LDB2: variants seen among roughly 807,000 people sequenced by gnomAD.
LDB2 encodes the protein LIM domain-binding protein 2.
Under a neutral mutation model 44.3 loss-of-function variants are expected in LDB2, and 12 were observed. The observed-to-expected ratio is 0.27, with a 90% CI of 0.17 to 0.44. The LOEUF (loss-of-function observed/expected upper bound fraction) is 0.44. LDB2 is among the 20% of genes least tolerant of loss of function. The probability of loss-of-function intolerance (pLI) is 1.00; values close to 1 mark genes in which losing one functional copy is unlikely to be tolerated. For missense variants in LDB2, 344 were observed against 473.5 expected (o/e 0.73, Z 2.54); for synonymous variants, 164 against 174.8 (o/e 0.94, Z 0.49).
intron 5 of LDB2, among the ~76,000 whole-genome samples, chr4:16,548,938 AC>A (rs2152343387): frequency 6.6e-6 from 1 of 152,302 alleles, no homozygotes; most frequent in East Asian, 1.9e-4. Flanking sequence ...ATAGAACAAG[AC>A]CCCAAGACCT....
chr4:16,879,012 G>C (rs529598118), intron 1 of LDB2, among the ~76,000 whole-genome samples: 86 of 152,308 alleles, frequency 5.6e-4, no homozygotes, highest in South Asian at 4.1e-3. Context: ...ACTTTAGTTA[G>C]TATGAGTTTT....
chr4:16,839,904 C>A (rs185319352), intron 1 of LDB2, among the ~76,000 whole-genome samples: 1 of 152,090 alleles, frequency 6.6e-6, no homozygotes, highest in South Asian at 2.1e-4. Flanking sequence ...ATAATATGTA[C>A]ACACACACAT....
chr4:16,851,908 CA>C (rs1788336349), intron 1 of LDB2, among the ~76,000 whole-genome samples: 1 of 152,216 alleles, frequency 6.6e-6, no homozygotes, highest in Admixed American at 6.5e-5. Context: ...ACAAGGTGGA[CA>C]AGTGCGTAGC....
intron 1 of LDB2, among the ~76,000 whole-genome samples, chr4:16,890,357 G>A (rs974601503): frequency 6.6e-6 from 1 of 152,130 alleles, no homozygotes; most frequent in Non-Finnish European, 1.5e-5. Context: ...GGAAAGGGGG[G>A]GCACGGAGTG....
intron 2 of LDB2, among the ~76,000 whole-genome samples, chr4:16,681,550 C>T (rs933546847): frequency 1.4e-5 from 2 of 147,548 alleles, no homozygotes; most frequent in Non-Finnish European, 3.0e-5. Flanking sequence ...TAATTTGTTA[C>T]ATAGCAATAA....
intron 2 of LDB2, among the ~76,000 whole-genome samples, chr4:16,624,878 T>C (rs1257085549): frequency 6.6e-6 from 1 of 152,186 alleles, no homozygotes; most frequent in Non-Finnish European, 1.5e-5. Flanking sequence ...CTGGGTAGAA[T>C]TTCAAAGAAA....
intron 1 of LDB2, among the ~76,000 whole-genome samples, chr4:16,847,772 G>A (rs1013923680): frequency 6.6e-6 from 1 of 152,086 alleles, no homozygotes; most frequent in Non-Finnish European, 1.5e-5. Context: ...GCCCGCCACA[G>A]TGCCCAGCTA....
At chr4:16,837,323 A>G (rs1580112841) in intron 1 of LDB2, among the ~76,000 whole-genome samples, 1 of 152,204 alleles carries the variant, frequency 6.6e-6, no homozygotes, top group African/African-American at 2.4e-5. Context: ...TGAAGCATCA[A>G]CTTCCATACC....
chr4:16,867,684 A>T (rs1188407013), intron 1 of LDB2, among the ~76,000 whole-genome samples: 1 of 152,190 alleles, frequency 6.6e-6, no homozygotes, highest in Non-Finnish European at 1.5e-5. Context: ...CCAGTAATTC[A>T]TCGGCAAAAG....
intron 1 of LDB2, among the ~76,000 whole-genome samples, chr4:16,759,602 T>G (rs1767444955): frequency 6.6e-6 from 1 of 152,242 alleles, no homozygotes; most frequent in Non-Finnish European, 1.5e-5. Flanking sequence ...CTTTTTTTTC[T>G]CTTTCTCTCT....
At chr4:16,774,727 A>T (rs1304743077) in intron 1 of LDB2, among the ~76,000 whole-genome samples, 1 of 151,644 alleles carries the variant, frequency 6.6e-6, no homozygotes, top group Non-Finnish European at 1.5e-5. Flanking sequence ...TGGCCTCAGA[A>T]CTCTTCCCTT....
intron 3 of LDB2, among the ~76,000 whole-genome samples, chr4:16,591,343 C>T (rs1028138261): frequency 1.3e-5 from 2 of 152,146 alleles, no homozygotes; most frequent in South Asian, 4.2e-4. Flanking sequence ...GGTAACAGAG[C>T]GAGCTAGTTG....
chr4:16,666,056 T>A (rs2152547626), intron 2 of LDB2, among the ~76,000 whole-genome samples: 1 of 152,308 alleles, frequency 6.6e-6, no homozygotes, highest in Non-Finnish European at 1.5e-5. Context: ...ATTTTAGTCT[T>A]CTGGCCCTGC....
intron 2 of LDB2, among the ~76,000 whole-genome samples, chr4:16,650,447 G>T (rs1293676868): frequency 6.6e-6 from 1 of 152,062 alleles, no homozygotes; most frequent in East Asian, 1.9e-4. Context: ...GTTCCATGTT[G>T]TGTGCTGGGG....
In LDB2 at chr4:16,825,031, G is replaced by A. The variant is rs373470611; in HGVS notation, c.133-65771C>T. Among the ~76,000 whole-genome samples the A allele has an allele frequency of 4.6e-5, 7 of 152,214 alleles. No individual in the cohort carries two copies. In the East Asian group the frequency reaches 9.6e-4, roughly 21 times the overall value. On this transcript the variant is annotated intron_variant, in intron 1 of 7. Transcript: ENST00000304523. ...GGGATAACAGGGAAGTATTTGCAAT[G>A]CAGTGGTAGCTGAGATACTGCCTAG...
At chr4:16,588,557 C>A (rs1467169597) in intron 4 of LDB2, among the ~76,000 whole-genome samples, 153 bp downstream of exon 4, 1 of 152,084 alleles carries the variant, frequency 6.6e-6, no homozygotes, top group Non-Finnish European at 1.5e-5. Context: ...GGATTAAAAC[C>A]GTTGAGAACA....
chr4:16,642,659 C>A (rs1051843399), intron 2 of LDB2, among the ~76,000 whole-genome samples: 17 of 152,150 alleles, frequency 1.1e-4, no homozygotes, highest in African/African-American at 4.1e-4. Flanking sequence ...TCCAGGTGAC[C>A]ATGATCAATC....
intron 5 of LDB2, among the ~76,000 whole-genome samples, chr4:16,535,463 G>A (rs530498933): frequency 1.6e-4 from 24 of 152,272 alleles, no homozygotes; most frequent in Non-Finnish European, 2.1e-4. Context: ...CACATTCTGT[G>A]TGCCAGGTTC....
chr4:16,681,970 G>C (rs1578741042), intron 2 of LDB2, among the ~76,000 whole-genome samples: 1 of 152,168 alleles, frequency 6.6e-6, no homozygotes, highest in Non-Finnish European at 1.5e-5. Flanking sequence ...AAACCATCAA[G>C]AGACAGAGGA....
Sources: allele counts gnomAD v4.1 joint callset (sites outside exome capture counted in the v4.1 genomes callset), GRCh38; gene constraint gnomAD v4.1.1; transcripts MANE v1.5; gene names NCBI Gene and HGNC (gene_info 2026-07-23, HGNC 2026-07-21).